The following ENOX1 variants were observed in gnomAD, a reference collection of about 807,000 sequenced individuals.
ENOX1 encodes the protein ecto-NOX disulfide-thiol exchanger 1.
A neutral mutation model predicts 82.5 loss-of-function variants in ENOX1; 42 were observed. The ratio of observed to expected loss-of-function variants is 0.51; its 90% confidence interval spans 0.40 to 0.66. The LOEUF is 0.66. ENOX1 is among the 30% of genes least tolerant of loss of function. The pLI, the probability that ENOX1 is intolerant of heterozygous loss-of-function variation, is 0.00. For synonymous variants in ENOX1, 271 were observed against 282.2 expected, an observed-to-expected ratio of 0.96 and a Z score of 0.40; for missense variants, 608 against 811.6, an observed-to-expected ratio of 0.75 and a Z score of 3.05.
At position 43,432,744 on chromosome 13, in the gene ENOX1, C is replaced by A. The variant is rs144519354; in HGVS notation, c.-74-19756G>T. 1.0e-3 allele frequency among the ~76,000 whole-genome samples: 154 copies of A among 152,284 alleles called. No homozygotes were observed. In the East Asian group the frequency reaches 0.027, roughly 27 times the overall value. On this transcript the variant is annotated intron_variant, in intron 3 of 16. Coordinates refer to ENST00000690772, the MANE Select transcript of ENOX1 (RefSeq NM_001347969.2). ...TCAACTCCGTCTCAGCCCTGAGATT[C>A]ATTTATGAATTGCTTTTGTGGTTAT...
intron 3 of ENOX1, among the ~76,000 whole-genome samples, chr13:43,464,340 T>C (rs1011912989): frequency 1.3e-5 from 2 of 152,116 alleles, no homozygotes; most frequent in Admixed American, 1.3e-4. Flanking sequence ...GGTAAGAATA[T>C]GAAGGGCCCC....
In ENOX1 at chr13:43,318,599, G is replaced by A. The variant is rs75105043; in HGVS notation, c.1261+3785C>T. On this transcript the variant is annotated intron_variant, in intron 11 of 16. Coordinates refer to ENST00000690772, the MANE Select transcript of ENOX1 (RefSeq NM_001347969.2). ...CCATTTCAATTTAATTAGAGCAAATGTTCTCAGGGTTATCATCCTCCTATC... is the reference window on the plus strand; with the variant it reads ...CCATTTCAATTTAATTAGAGCAAATATTCTCAGGGTTATCATCCTCCTATC... Among the ~76,000 whole-genome samples the A allele has an allele frequency of 2.0e-5, 3 of 152,330 alleles. No homozygotes were observed. The East Asian group carries it at 5.8e-4, about 29-fold the overall frequency.
intron 11 of ENOX1, among the ~76,000 whole-genome samples, chr13:43,313,289 C>A (rs1254491020): frequency 6.6e-6 from 1 of 152,016 alleles, no homozygotes; most frequent in Non-Finnish European, 1.5e-5. Context: ...ATGATTAGCT[C>A]TTAGAATAAG....
At chr13:43,278,570 T>G (rs1170336890) in intron 12 of ENOX1, among the ~76,000 whole-genome samples, 1 of 152,240 alleles carries the variant, frequency 6.6e-6, no homozygotes, top group Non-Finnish European at 1.5e-5. Context: ...TGTTTACGTT[T>G]CAGTATTTTT....
At chr13:43,346,756 T>C (rs1236516300) in intron 8 of ENOX1, among the ~76,000 whole-genome samples, 1 of 152,220 alleles carries the variant, frequency 6.6e-6, no homozygotes, top group African/African-American at 2.4e-5. Context: ...CAACCGTTAC[T>C]GGCAGAATAA....
intron 3 of ENOX1, among the ~76,000 whole-genome samples, chr13:43,432,865 G>A (rs920133279): frequency 2.6e-5 from 4 of 151,766 alleles, no homozygotes; most frequent in Non-Finnish European, 4.4e-5. Context: ...AAGGAGCAGC[G>A]CTGCCTTATT....
chr13:43,540,609 G>C (rs1195323529), intron 2 of ENOX1, among the ~76,000 whole-genome samples: 1 of 152,198 alleles, frequency 6.6e-6, no homozygotes, highest in African/African-American at 2.4e-5. Context: ...CCAGTGTGGT[G>C]AGAAGTGGTG....
intron 2 of ENOX1, among the ~76,000 whole-genome samples, chr13:43,665,155 G>A (rs1447519309): frequency 6.6e-6 from 1 of 152,138 alleles, no homozygotes; most frequent in Admixed American, 6.5e-5. Flanking sequence ...TCCTAAAGAT[G>A]CCTACCTCAC....
chr13:43,283,797 T>C (rs1035659726), intron 12 of ENOX1, among the ~76,000 whole-genome samples: 3 of 151,832 alleles, frequency 2.0e-5, no homozygotes, highest in Non-Finnish European at 4.4e-5. Context: ...CTGTTACTAG[T>C]TTTTTTTCCT....
At chr13:43,536,112 G>A (rs2153691160) in intron 2 of ENOX1, among the ~76,000 whole-genome samples, 1 of 152,180 alleles carries the variant, frequency 6.6e-6, no homozygotes, top group African/African-American at 2.4e-5. Context: ...TTTTTTTGTT[G>A]ATTTGGATTA....
intron 11 of ENOX1, among the ~76,000 whole-genome samples, chr13:43,307,425 G>C (rs1043315016): frequency 6.6e-6 from 1 of 152,176 alleles, no homozygotes; most frequent in Non-Finnish European, 1.5e-5. Flanking sequence ...CAAGTTTCTA[G>C]GGTGATTCTG....
At chr13:43,342,215 C>T (rs1461542771) in intron 9 of ENOX1, among the ~76,000 whole-genome samples, 2 of 152,136 alleles carry the variant, frequency 1.3e-5, no homozygotes, top group African/African-American at 4.8e-5. Context: ...CATGTGGATG[C>T]CGTGTCTAAC....
chr13:43,421,149 AG>A (rs2054948054), intron 3 of ENOX1, among the ~76,000 whole-genome samples: 1 of 152,198 alleles, frequency 6.6e-6, no homozygotes, highest in African/African-American at 2.4e-5. Context: ...CAATTCAGAT[AG>A]GGGAGAACCC....
chr13:43,543,426 T>G (rs947135555), intron 2 of ENOX1, among the ~76,000 whole-genome samples: 3 of 151,778 alleles, frequency 2.0e-5, no homozygotes, highest in African/African-American at 7.3e-5. Context: ...TATAGATGAG[T>G]GTTATTGTGT....
intron 9 of ENOX1, among the ~76,000 whole-genome samples, chr13:43,340,552 ATAC>A (rs1337510738): frequency 6.6e-6 from 1 of 152,222 alleles, no homozygotes; most frequent in Non-Finnish European, 1.5e-5. Flanking sequence ...ACAATTGGGG[ATAC>A]TACAACGTAA....
At chr13:43,403,521 G>A (rs2053614857) in intron 5 of ENOX1, among the ~76,000 whole-genome samples, 1 of 152,176 alleles carries the variant, frequency 6.6e-6, no homozygotes, top group South Asian at 2.1e-4. Context: ...TTTGGAAACA[G>A]ATTTTACACA....
chr13:43,753,802 A>G (rs1156289129), intron 1 of ENOX1, among the ~76,000 whole-genome samples: 1 of 152,172 alleles, frequency 6.6e-6, no homozygotes, highest in Non-Finnish European at 1.5e-5. Context: ...AAACAGTATA[A>G]TCACTAACCA....
intron 2 of ENOX1, among the ~76,000 whole-genome samples, chr13:43,643,382 G>A (rs999468886): frequency 6.6e-6 from 1 of 152,202 alleles, no homozygotes; most frequent in Non-Finnish European, 1.5e-5. Context: ...GGACAACAGG[G>A]AAGTAACATC....
intron 1 of ENOX1, among the ~76,000 whole-genome samples, chr13:43,684,256 T>C (rs554856907): frequency 2.6e-5 from 4 of 152,328 alleles, no homozygotes; most frequent in South Asian, 4.1e-4. Context: ...GATATTTTAA[T>C]AACTGGTAAG....
Sources: gnomAD v4.1 joint callset for allele counts (sites outside exome capture counted in the v4.1 genomes callset) on GRCh38, gnomAD v4.1.1 for gene constraint, MANE v1.5 for transcripts, NCBI Gene and HGNC (gene_info 2026-07-23, HGNC 2026-07-21) for gene names.